LPP: variants seen among roughly 807,000 people sequenced by gnomAD.
The protein encoded by LPP is LIM domain containing preferred translocation partner in lipoma, also known as lipoma-preferred partner.
Under a neutral mutation model 60.4 loss-of-function variants are expected in LPP, and 38 were observed. That is an observed-to-expected ratio of 0.63 (90% CI 0.49 to 0.83). The LOEUF is 0.83. LPP is among the 40% of genes least tolerant of loss of function. LPP has a pLI of 0.00. For missense variants in LPP, 902 were observed against 783.6 expected (o/e 1.15, Z -1.80); for synonymous variants, 328 against 290.8 (o/e 1.13, Z -1.30).
chr3:188,567,221 G>A (rs183808241), intron 6 of LPP, among the ~76,000 whole-genome samples: 146 of 151,872 alleles, frequency 9.6e-4, no homozygotes, highest in African/African-American at 3.4e-3. Flanking sequence ...AACTTTTCTC[G>A]TCATTAAAGC....
chr3:188,830,216 G>A (rs1043285803), intron 9 of LPP, among the ~76,000 whole-genome samples: 1 of 150,940 alleles, frequency 6.6e-6, no homozygotes, highest in East Asian at 1.9e-4. Flanking sequence ...GCATGAGTGA[G>A]GTTTTACATT....
rs10565240 is a variant in LPP at position 188,582,154 on chromosome 3, CTT to C, written c.430-26984_430-26983del. Among the ~76,000 whole-genome samples, 41 of 102,240 alleles carry C rather than the reference CTT, an allele frequency of 4.0e-4. 1 individual carries two copies. Among genetic ancestry groups the C allele is most frequent in the Admixed American group, 5.5e-4 (5 of 9,034 alleles). 67.1% of individuals were successfully genotyped at this position (102,240 alleles called of 152,430 possible). On this transcript the variant is annotated intron_variant, in intron 6 of 11. Transcript: ENST00000617246. ...AATGTCGTTTTACCTTTTTCTTTTT[CTT>C]TTTTTTTTTTTTTTTTTTTTTTGAG...
intron 7 of LPP, among the ~76,000 whole-genome samples, chr3:188,692,172 C>T (rs370182433): frequency 1.6e-4 from 25 of 152,178 alleles, no homozygotes; most frequent in African/African-American, 5.8e-4. Flanking sequence ...TCCTCATTTT[C>T]TTCAGCCTCT....
chr3:188,631,822 C>G (rs1301824801), intron 7 of LPP, among the ~76,000 whole-genome samples: 1 of 152,162 alleles, frequency 6.6e-6, no homozygotes, highest in Non-Finnish European at 1.5e-5. Flanking sequence ...TAAGCACACA[C>G]CATAGTGACT....
chr3:188,412,598 C>T (rs1257478507), intron 4 of LPP, among the ~76,000 whole-genome samples: 1 of 152,140 alleles, frequency 6.6e-6, no homozygotes, highest in Non-Finnish European at 1.5e-5. Context: ...ACCTAGGGCT[C>T]TTACGAATTT....
intron 9 of LPP, among the ~76,000 whole-genome samples, 153 bp downstream of exon 9, chr3:188,760,435 T>TGTGCGTGC (rs777127864): frequency 2.0e-5 from 3 of 151,080 alleles, no homozygotes; most frequent in African/African-American, 7.3e-5. Context: ...TGTGTGTGTG[T>TGTGCGTGC]GCGTGCGCGC....
At chr3:188,672,723 G>A (rs565076236) in intron 7 of LPP, among the ~76,000 whole-genome samples, 9 of 152,122 alleles carry the variant, frequency 5.9e-5, no homozygotes, top group African/African-American at 1.2e-4. Flanking sequence ...TTTTCCAATC[G>A]CTTGTTCTTT....
Position 188,718,405 on chromosome 3 carries a change from C to T in LPP, c.1240+10012C>T, listed in dbSNP as rs556925023. On this transcript the variant is annotated intron_variant, in intron 8 of 11. Coordinates refer to ENST00000617246, the MANE Select transcript of LPP (RefSeq NM_001375462.1). ...TTTGTGATCTCAGACCGTAGATCCA[C>T]CTTATTCAAACATAAGAACACATTG... Among the ~76,000 whole-genome samples the T allele has an allele frequency of 5.9e-5, 9 of 152,052 alleles. No homozygotes were observed. In the South Asian group the frequency reaches 1.9e-3, roughly 32 times the overall value.
At chr3:188,804,085 G>A (rs1277929473) in intron 9 of LPP, among the ~76,000 whole-genome samples, 1 of 150,578 alleles carries the variant, frequency 6.6e-6, no homozygotes, top group African/African-American at 2.4e-5. Flanking sequence ...TTAAAAATAT[G>A]CAATTTCAAG....
At chr3:188,700,339 A>G (rs1207961833) in intron 7 of LPP, among the ~76,000 whole-genome samples, 3 of 152,212 alleles carry the variant, frequency 2.0e-5, no homozygotes, top group Admixed American at 6.5e-5. Context: ...TGATCACGCC[A>G]AGGTCAGCCC....
chr3:188,661,628 G>T (rs1324072105), intron 7 of LPP, among the ~76,000 whole-genome samples: 1 of 152,070 alleles, frequency 6.6e-6, no homozygotes, highest in African/African-American at 2.4e-5. Flanking sequence ...CATTTTTAAT[G>T]GTTGTTTTTC....
chr3:188,808,576 GCAGGGCATTAAGCCTTTCC>G (rs1365730544), intron 9 of LPP, among the ~76,000 whole-genome samples: 1 of 152,132 alleles, frequency 6.6e-6, no homozygotes, highest in Admixed American at 6.6e-5. Context: ...AAGTATATGG[GCAGGGCATTAAGCCTTTCC>G]CAGAGCTGCT....
chr3:188,755,851 A>C (rs1730035274), intron 8 of LPP, among the ~76,000 whole-genome samples: 4 of 108,886 alleles, frequency 3.7e-5, no homozygotes, highest in Admixed American at 1.1e-4. Context: ...AAAAAAAAAA[A>C]AAAAAAAAAA....
At chr3:188,666,325 A>G (rs1410793786) in intron 7 of LPP, among the ~76,000 whole-genome samples, 1 of 152,186 alleles carries the variant, frequency 6.6e-6, no homozygotes, top group African/African-American at 2.4e-5. Context: ...GCTCTATAGT[A>G]TTATATTTAT....
chr3:188,648,241 A>ATAAAAACGAGCCATCATGTGATTCTACAG (rs1580680896), intron 7 of LPP, among the ~76,000 whole-genome samples: 4 of 152,256 alleles, frequency 2.6e-5, no homozygotes, highest in East Asian at 3.9e-4. Context: ...TGATTCTACA[A>ATAAAAACGAGCCATCATGTGATTCTACAG]TCTTTATGGG....
chr3:188,708,030 G>A (rs900665363), intron 7 of LPP, among the ~76,000 whole-genome samples: 2 of 152,156 alleles, frequency 1.3e-5, no homozygotes, highest in African/African-American at 4.8e-5. Flanking sequence ...TCTTCCTATT[G>A]TAAACATGGA....
At chr3:188,640,837 G>C (rs1447727245) in intron 7 of LPP, among the ~76,000 whole-genome samples, 1 of 152,050 alleles carries the variant, frequency 6.6e-6, no homozygotes, top group Non-Finnish European at 1.5e-5. Context: ...AGTGATTATT[G>C]ATAACACAAC....
intron 4 of LPP, among the ~76,000 whole-genome samples, chr3:188,461,741 A>G (rs1799006734): frequency 6.6e-6 from 1 of 152,206 alleles, no homozygotes; most frequent in African/African-American, 2.4e-5. Flanking sequence ...AGATTTTTAT[A>G]TATGCCTAGT....
intron 1 of LPP, among the ~76,000 whole-genome samples, chr3:188,161,200 G>A (rs1487099718): frequency 6.6e-6 from 1 of 152,122 alleles, no homozygotes; most frequent in African/African-American, 2.4e-5. Context: ...TTGAGCAAAG[G>A]AGGGCCTTGT....
Sources: allele counts gnomAD v4.1 joint callset (sites outside exome capture counted in the v4.1 genomes callset), GRCh38; gene constraint gnomAD v4.1.1; transcripts MANE v1.5; gene names NCBI Gene and HGNC (gene_info 2026-07-23, HGNC 2026-07-21).